The following HIPK2 variants were observed in gnomAD, a reference collection of about 807,000 sequenced individuals.
HIPK2 encodes the protein homeodomain-interacting protein kinase 2.
Under a neutral mutation model 113.7 loss-of-function variants are expected in HIPK2, and 27 were observed. That is an observed-to-expected ratio of 0.24 (90% confidence interval 0.17 to 0.33). HIPK2 has a LOEUF of 0.33. Among genes scored for constraint, HIPK2 ranks in the 10% least tolerant of loss-of-function variants. The probability of loss-of-function intolerance (pLI) is 1.00; values close to 1 mark genes in which losing one functional copy is unlikely to be tolerated. For synonymous variants in HIPK2, 631 were observed against 642.2 expected (o/e 0.98, Z 0.26); for missense variants, 1,257 against 1,588.0 (o/e 0.79, Z 3.54).
chr7:139,572,907 C>T lies in HIPK2; in HGVS notation c.*20G>A. On this transcript the variant is annotated 3_prime_UTR_variant, in exon 15 of 15. Coordinates refer to ENST00000406875, the MANE Select transcript of HIPK2 (RefSeq NM_022740.5). ...CGGGCCATTCTCTCCCTCCCTCCCT[C>T]CCTCCCTCCCCTCCAGTGTTTATAT... The T allele has an allele frequency of 3.2e-6, 2 of 617,810 alleles. No individual in the cohort carries two copies. The highest frequency in any genetic ancestry group is 5.7e-6 in the Non-Finnish European group (2 of 353,744). 38.3% of individuals were successfully genotyped at this position (617,810 alleles called of 1,614,324 possible).
At chr7:139,584,171 C>CCTGGTGGGA in intron 12 of HIPK2, 107 bp from the exon 13 acceptor site, 1 of 1,448,614 alleles carries the variant, frequency 6.9e-7, no homozygotes, top group Non-Finnish European at 9.3e-7. Flanking sequence ...GGGGAGAGGG[C>CCTGGTGGGA]AGGAACAGGG....
chr7:139,638,612 G>A (rs1800891581), intron 2 of HIPK2, among the ~76,000 whole-genome samples: 1 of 151,254 alleles, frequency 6.6e-6, no homozygotes, highest in Admixed American at 6.6e-5. Context: ...CCCAAAGCAA[G>A]CCACTAAACA....
At chr7:139,680,195 T>C (rs1802649137) in intron 2 of HIPK2, among the ~76,000 whole-genome samples, 1 of 152,230 alleles carries the variant, frequency 6.6e-6, no homozygotes, top group Non-Finnish European at 1.5e-5. Context: ...CCCGGGAATG[T>C]TCCCTCTGCC....
At chr7:139,641,011 C>T (rs1181608359) in intron 2 of HIPK2, among the ~76,000 whole-genome samples, 1 of 152,032 alleles carries the variant, frequency 6.6e-6, no homozygotes, top group Non-Finnish European at 1.5e-5. Context: ...TTTATTTACA[C>T]AAAAAGCTGA....
In HIPK2 at chr7:139,563,205, T is replaced by G. The variant is rs956800346; in HGVS notation, c.*9722A>C. The G allele has an allele frequency of 6.6e-6, 1 of 152,548 alleles. No individual in the cohort carries two copies. Among genetic ancestry groups the G allele is most frequent in the African/African-American group, 2.4e-5 (1 of 41,462 alleles). 9.4% of individuals were successfully genotyped at this position (152,548 alleles called of 1,614,324 possible). Reference sequence around the variant, plus strand: ...AAGGATGCACATGGTCAAGTCACTTTCTACTTCCCAAGTTCCTCCTTATAA... The same window carrying G: ...AAGGATGCACATGGTCAAGTCACTTGCTACTTCCCAAGTTCCTCCTTATAA... On this transcript the variant is annotated 3_prime_UTR_variant, in exon 15 of 15. Coordinates refer to ENST00000406875, the MANE Select transcript of HIPK2 (RefSeq NM_022740.5).
chr7:139,713,640 T>C (rs1456490643), intron 2 of HIPK2, among the ~76,000 whole-genome samples: 1 of 152,258 alleles, frequency 6.6e-6, no homozygotes, highest in Non-Finnish European at 1.5e-5. Context: ...TTAATAACAC[T>C]GGTACGTGTT....
At chr7:139,620,602 G>A (rs1273820335) in intron 6 of HIPK2, 39 bp from the exon 7 acceptor site, 1 of 1,608,034 alleles carries the variant, frequency 6.2e-7, no homozygotes, top group South Asian at 1.1e-5. Context: ...GAGACATAAG[G>A]GGAGGGGAAG....
intron 12 of HIPK2, among the ~76,000 whole-genome samples, chr7:139,596,399 G>C (rs1799215012): frequency 6.6e-6 from 1 of 152,222 alleles, no homozygotes; most frequent in Non-Finnish European, 1.5e-5. Flanking sequence ...TTGAGGCAGA[G>C]ACTTTTAAAC....
At chr7:139,633,233 C>T (rs1800684710) in intron 2 of HIPK2, among the ~76,000 whole-genome samples, 2 of 151,946 alleles carry the variant, frequency 1.3e-5, no homozygotes, top group Admixed American at 1.3e-4. Flanking sequence ...TACTTTCCTA[C>T]CCTTTCTGCA....
At chr7:139,653,204 T>A (rs541438050) in intron 2 of HIPK2, among the ~76,000 whole-genome samples, 1 of 147,348 alleles carries the variant, frequency 6.8e-6, no homozygotes, top group South Asian at 2.2e-4. Flanking sequence ...GCTAGGGCAG[T>A]AGGAGCAAGG....
Position 139,630,964 on chromosome 7 carries a change from G to T in HIPK2, c.1347+201C>A. 4.7e-6 allele frequency: 1 copy of T among 212,848 alleles called. No individual in the cohort carries two copies. The allele number at this position is 212,848 out of a possible 1,614,324, so 13.2% of individuals were successfully genotyped here. ...AATCCTGGGAGTTCAGCAATCATAA[G>T]GTTGGACTCTCACAGGCGGCGATAG... is the stretch of plus-strand genomic sequence containing the variant. On this transcript the variant is annotated intron_variant, in intron 4 of 14. Coordinates refer to ENST00000406875, the MANE Select transcript of HIPK2 (RefSeq NM_022740.5). This position sits in a 1 kb window ranked among gnomAD's most constrained non-coding sequence, Gnocchi z 4.0.
At chr7:139,609,834 T>A (rs1324117373) in intron 9 of HIPK2, among the ~76,000 whole-genome samples, 1 of 152,222 alleles carries the variant, frequency 6.6e-6, no homozygotes, top group Non-Finnish European at 1.5e-5. Context: ...TCACTTAATA[T>A]ATCTTAGAAA....
rs1386276692 is a variant in HIPK2 at position 139,570,925 on chromosome 7, G to C, written c.*2002C>G. ...TTCAGAGTTATTTACTATGAAGAGA[G>C]GGAACTCCCCACTTCTCCACACCTC... On this transcript the variant is annotated 3_prime_UTR_variant, in exon 15 of 15. Coordinates refer to ENST00000406875, the MANE Select transcript of HIPK2 (RefSeq NM_022740.5). 1 of 152,166 alleles carries C rather than the reference G, an allele frequency of 6.6e-6. No individual in the cohort carries two copies. The highest frequency in any genetic ancestry group is 6.5e-5 in the Admixed American group (1 of 15,276). 9.4% of individuals were successfully genotyped at this position (152,166 alleles called of 1,614,324 possible). A position where few individuals can be genotyped will look rare whatever the true frequency, so the allele number is the denominator to read the frequency against.
intron 2 of HIPK2, among the ~76,000 whole-genome samples, chr7:139,710,805 C>T (rs1204576884): frequency 1.3e-5 from 2 of 152,116 alleles, no homozygotes; most frequent in East Asian, 1.9e-4. Context: ...TTCCCCCTTG[C>T]TGTTCTTGTG....
intron 1 of HIPK2, among the ~76,000 whole-genome samples, chr7:139,728,173 G>A (rs1232895284): frequency 2.0e-5 from 3 of 152,000 alleles, no homozygotes; most frequent in Admixed American, 6.5e-5. Context: ...GAACTCCTGG[G>A]CTCAAGCGAT....
intron 1 of HIPK2, among the ~76,000 whole-genome samples, chr7:139,769,238 A>G (rs6974486): frequency 5.6e-5 from 6 of 106,630 alleles, no homozygotes; most frequent in Non-Finnish European, 9.5e-5. Context: ...CCCTGCCCCA[A>G]CTCCACGGCC....
At chr7:139,699,229 TCTC>T (rs1794642836) in intron 2 of HIPK2, among the ~76,000 whole-genome samples, 1 of 151,950 alleles carries the variant, frequency 6.6e-6, no homozygotes, top group African/African-American at 2.4e-5. Context: ...AGGGAGTACA[TCTC>T]CTGAAAAAGA....
At chr7:139,582,826 G>A (rs1585235964) in intron 13 of HIPK2, among the ~76,000 whole-genome samples, 1 of 152,064 alleles carries the variant, frequency 6.6e-6, no homozygotes, top group East Asian at 1.9e-4. Flanking sequence ...CTGAGGCACT[G>A]GGCTGGAAAA....
At position 139,721,407 on chromosome 7, in the gene HIPK2, T is replaced by C. The variant is rs532664087; in HGVS notation, c.20-4392A>G. Among the ~76,000 whole-genome samples, 4 of 152,320 alleles carry C rather than the reference T, an allele frequency of 2.6e-5. No individual in the cohort carries two copies. In the East Asian group the frequency reaches 7.7e-4, roughly 29 times the overall value. On this transcript the variant is annotated intron_variant, in intron 1 of 14. Transcript: ENST00000406875. ...TTTCTCTGGAACAAACCTTCCCTAT[T>C]AGTTTAGCTTTCAGAGAGTTGAGCC... is the stretch of plus-strand genomic sequence containing the variant.
Sources: allele counts gnomAD v4.1 joint callset (sites outside exome capture counted in the v4.1 genomes callset), GRCh38; gene constraint gnomAD v4.1.1; non-coding constraint Gnocchi (gnomAD v3.1); transcripts MANE v1.5; gene names NCBI Gene and HGNC (gene_info 2026-07-23, HGNC 2026-07-21).